The following ARHGAP28 variants were observed in gnomAD, a reference collection of about 807,000 sequenced individuals.
The protein encoded by ARHGAP28 is Rho GTPase activating protein 28, also known as rho GTPase-activating protein 28.
ARHGAP28 carries 56 observed loss-of-function variants against 90.7 expected under a neutral mutation model. That is an observed-to-expected ratio of 0.62 (90% confidence interval 0.50 to 0.77). ARHGAP28 has a LOEUF of 0.77. Among genes scored for constraint, ARHGAP28 ranks in the 30% least tolerant of loss-of-function variants. The pLI, the probability that ARHGAP28 is intolerant of heterozygous loss-of-function variation, is 0.00. For missense variants in ARHGAP28, 869 were observed against 900.9 expected, an observed-to-expected ratio of 0.96 and a Z score of 0.45; for synonymous variants, 308 against 323.3, an observed-to-expected ratio of 0.95 and a Z score of 0.51.
rs574059434 is a variant in ARHGAP28 at position 6,801,316 on chromosome 18, A to G, written c.123-23446A>G. ...TTTGCACCTTTGTTGAAAATTAATTAACAACATATGTGTTAGTGTATTTTT... is the reference window on the plus strand; with the variant it reads ...TTTGCACCTTTGTTGAAAATTAATTGACAACATATGTGTTAGTGTATTTTT... On this transcript the variant is annotated intron_variant, in intron 1 of 17. Transcript: ENST00000383472. 3.9e-5 allele frequency among the ~76,000 whole-genome samples: 6 copies of G among 152,302 alleles called. No homozygotes were observed. The South Asian group carries it at 1.0e-3, about 26-fold the overall frequency.
chr18:6,841,208 C>CTCTCTCT (rs1555631529), intron 3 of ARHGAP28, among the ~76,000 whole-genome samples: 533 of 42,934 alleles, frequency 0.012, 35 homozygotes, highest in Non-Finnish European at 0.017. Context: ...TCTCTCCTCT[C>CTCTCTCT]CTCTCTCTCT....
At chr18:6,785,970 G>T (rs967550156) in intron 1 of ARHGAP28, among the ~76,000 whole-genome samples, 1 of 152,230 alleles carries the variant, frequency 6.6e-6, no homozygotes, top group Non-Finnish European at 1.5e-5. Context: ...ACTGGGTAGA[G>T]ATCTAAATTG....
intron 1 of ARHGAP28, among the ~76,000 whole-genome samples, chr18:6,737,814 T>C (rs1325435927): frequency 1.3e-5 from 2 of 152,224 alleles, no homozygotes; most frequent in East Asian, 3.8e-4. Flanking sequence ...AAAAAGTAGA[T>C]TGTTTTTCTA....
chr18:6,849,075 A>G (rs2056888517), intron 3 of ARHGAP28, among the ~76,000 whole-genome samples: 1 of 150,646 alleles, frequency 6.6e-6, no homozygotes, highest in South Asian at 2.1e-4. Flanking sequence ...AAAAGCGAGA[A>G]CCTGTCTCTA....
At chr18:6,806,075 G>T (rs544684516) in intron 1 of ARHGAP28, among the ~76,000 whole-genome samples, 26 of 151,640 alleles carry the variant, frequency 1.7e-4, no homozygotes, top group Non-Finnish European at 3.1e-4. Flanking sequence ...TTGTATTTTA[G>T]TTGAGGCGGA....
chr18:6,782,243 G>A (rs1344589659), intron 1 of ARHGAP28, among the ~76,000 whole-genome samples: 1 of 152,088 alleles, frequency 6.6e-6, no homozygotes, highest in East Asian at 1.9e-4. Flanking sequence ...GTTTTCTAGG[G>A]TGAATGGGTA....
chr18:6,799,461 G>A (rs1335408308), intron 1 of ARHGAP28, among the ~76,000 whole-genome samples: 1 of 152,156 alleles, frequency 6.6e-6, no homozygotes, highest in Non-Finnish European at 1.5e-5. Flanking sequence ...AAAGCCGGAG[G>A]CATCACGCTA....
chr18:6,826,827 C>T (rs1322722273), intron 2 of ARHGAP28, among the ~76,000 whole-genome samples: 3 of 151,778 alleles, frequency 2.0e-5, no homozygotes, highest in African/African-American at 7.3e-5. Flanking sequence ...AGGCAGAGGA[C>T]CCTGCGGCCT....
chr18:6,880,973 C>T (rs922870444), intron 10 of ARHGAP28, among the ~76,000 whole-genome samples: 18 of 152,162 alleles, frequency 1.2e-4, no homozygotes, highest in Non-Finnish European at 4.4e-5. Flanking sequence ...GTATTTATCA[C>T]CAGAGGGTTT....
At chr18:6,732,371 T>C (rs1422094944) in intron 1 of ARHGAP28, among the ~76,000 whole-genome samples, 1 of 152,136 alleles carries the variant, frequency 6.6e-6, no homozygotes, top group Non-Finnish European at 1.5e-5. Flanking sequence ...CGGGACATAG[T>C]CCCTGCCCCA....
chr18:6,781,485 C>G lies in ARHGAP28; in HGVS notation c.123-43277C>G, dbSNP rs569651278. 6.6e-5 allele frequency among the ~76,000 whole-genome samples: 10 copies of G among 152,204 alleles called. 1 individual carries two copies. Among genetic ancestry groups the G allele is most frequent in the South Asian group, 2.1e-4 (1 of 4,832 alleles). On this transcript the variant is annotated intron_variant, in intron 1 of 17. Coordinates refer to ENST00000383472, the MANE Select transcript of ARHGAP28 (RefSeq NM_001366230.1). ...TCTCTCAGCTAAAGTGGGCACCCCT[C>G]AGGCTGTGCAGGGAACTCCTGACCC...
chr18:6,734,581 A>G (rs1387456998), intron 1 of ARHGAP28, among the ~76,000 whole-genome samples: 4 of 152,192 alleles, frequency 2.6e-5, no homozygotes, highest in African/African-American at 9.6e-5. Flanking sequence ...AATGGAATGG[A>G]TGATTAGAAA....
At chr18:6,834,005 AC>A (rs2056734232) in intron 2 of ARHGAP28, among the ~76,000 whole-genome samples, 1 of 152,096 alleles carries the variant, frequency 6.6e-6, no homozygotes, top group Non-Finnish European at 1.5e-5. Flanking sequence ...TTTTTAACTA[AC>A]CAAGATTACA....
At chr18:6,814,224 G>A (rs914087932) in intron 1 of ARHGAP28, among the ~76,000 whole-genome samples, 1 of 152,164 alleles carries the variant, frequency 6.6e-6, no homozygotes, top group African/African-American at 2.4e-5. Flanking sequence ...ATAGTTTGAA[G>A]CTGAGCTGAA....
chr18:6,737,232 A>G (rs909433873), intron 1 of ARHGAP28, among the ~76,000 whole-genome samples: 1 of 152,210 alleles, frequency 6.6e-6, no homozygotes, highest in Non-Finnish European at 1.5e-5. Flanking sequence ...AAAGTCAGGC[A>G]TACCCTTAAA....
At position 6,899,996 on chromosome 18, in the gene ARHGAP28, G is replaced by A. The variant is rs149752591; in HGVS notation, c.2030+3370G>A. Among the ~76,000 whole-genome samples, 361 of 152,106 alleles carry A rather than the reference G, an allele frequency of 2.4e-3. 1 individual carries two copies. The highest frequency in any genetic ancestry group is 8.4e-3 in the African/African-American group (349 of 41,502). Reference sequence around the variant, plus strand: ...CCCAGTGAGGAGCTGAGCTTCACCTGCAGCCTGCAGCAACAAGGAAGTGTT... The same window carrying A: ...CCCAGTGAGGAGCTGAGCTTCACCTACAGCCTGCAGCAACAAGGAAGTGTT... On this transcript the variant is annotated intron_variant, in intron 16 of 17. Transcript: ENST00000383472.
chr18:6,743,000 T>C (rs887595849), intron 1 of ARHGAP28, among the ~76,000 whole-genome samples: 1 of 152,116 alleles, frequency 6.6e-6, no homozygotes, highest in Non-Finnish European at 1.5e-5. Context: ...GTGGGTTTAA[T>C]AGAGTTGTAG....
chr18:6,908,156 G>A (rs1212561418), intron 16 of ARHGAP28, among the ~76,000 whole-genome samples: 3 of 122,298 alleles, frequency 2.5e-5, no homozygotes, highest in South Asian at 2.4e-4. Flanking sequence ...TTTTATTTTC[G>A]AGATGGAGTT....
intron 5 of ARHGAP28, among the ~76,000 whole-genome samples, chr18:6,865,084 T>C (rs1335084003): frequency 6.6e-6 from 1 of 152,230 alleles, no homozygotes; most frequent in African/African-American, 2.4e-5. Flanking sequence ...CAAATCTTAT[T>C]TTTTTACATT....
Sources: gnomAD v4.1 joint callset for allele counts (sites outside exome capture counted in the v4.1 genomes callset) on GRCh38, gnomAD v4.1.1 for gene constraint, MANE v1.5 for transcripts, NCBI Gene and HGNC (gene_info 2026-07-23, HGNC 2026-07-21) for gene names.